RALGAPA1: variants seen among roughly 807,000 people sequenced by gnomAD.
RALGAPA1 encodes the protein ral GTPase-activating protein subunit alpha-1.
RALGAPA1 carries 52 observed loss-of-function variants against 269.6 expected under a neutral mutation model. The observed-to-expected ratio is 0.19, with a 90% CI of 0.15 to 0.24. The LOEUF (loss-of-function observed/expected upper bound fraction) is 0.24. Ranked by LOEUF, RALGAPA1 falls within the 10% of genes least tolerant of loss-of-function variation. The pLI, the probability that RALGAPA1 is intolerant of heterozygous loss-of-function variation, is 1.00. For missense variants in RALGAPA1, 1,917 were observed against 3,013.9 expected, an observed-to-expected ratio of 0.64 and a Z score of 8.52; for synonymous variants, 817 against 1,008.3, an observed-to-expected ratio of 0.81 and a Z score of 3.60.
chr14:35,591,372 G>A (rs2058626438), intron 37 of RALGAPA1, among the ~76,000 whole-genome samples: 3 of 152,132 alleles, frequency 2.0e-5, no homozygotes, highest in Non-Finnish European at 4.4e-5. Flanking sequence ...TTGGAGTGTA[G>A]TGGTGTGACC....
intron 10 of RALGAPA1, among the ~76,000 whole-genome samples, chr14:35,747,087 G>T (rs890786495): frequency 6.6e-6 from 1 of 151,974 alleles, no homozygotes; most frequent in East Asian, 1.9e-4. Flanking sequence ...CCCAAGGCAG[G>T]AGGATTGCTT....
At chr14:35,631,413 C>A (rs2061351692) in intron 33 of RALGAPA1, among the ~76,000 whole-genome samples, 1 of 151,724 alleles carries the variant, frequency 6.6e-6, no homozygotes, top group Admixed American at 6.6e-5. Flanking sequence ...AAATAAAAAG[C>A]AAAGATCAAT....
chr14:35,809,272 A>G lies in RALGAPA1; in HGVS notation c.-437T>C, dbSNP rs1315259272. ...GCTTCTTTAGCAGCTTACACCCTGC[A>G]GAGGCCGAAACGGAGACGAGTGTGG... On this transcript the variant is annotated 5_prime_UTR_variant, in exon 1 of 42. Transcript: ENST00000680220. 6.1e-6 allele frequency: 1 copy of G among 163,836 alleles called. No individual in the cohort carries two copies. The highest frequency in any genetic ancestry group is 1.3e-5 in the Non-Finnish European group (1 of 76,306). The allele number at this position is 163,836 out of a possible 1,614,324, so 10.1% of individuals were successfully genotyped here. A position where few individuals can be genotyped will look rare whatever the true frequency, so the allele number is the denominator to read the frequency against.
chr14:35,753,287 C>T (rs950657492), intron 7 of RALGAPA1, among the ~76,000 whole-genome samples: 2 of 152,130 alleles, frequency 1.3e-5, no homozygotes, highest in African/African-American at 4.8e-5. Flanking sequence ...CACATGAATT[C>T]ACAGGAATGC....
chr14:35,595,658 A>G lies in RALGAPA1; in HGVS notation c.7185T>C (p.Asp2395=), dbSNP rs138921913. 3.1e-6 allele frequency: 5 copies of G among 1,611,968 alleles called. No homozygotes were observed. The highest frequency in any genetic ancestry group is 3.3e-5 in the Admixed American group (2 of 59,982). ...IFHVSTRMPS[D]SDDSLTKKLR... ...CTTTTTTGGTCAAAGAATCATCAGAATCAGAAGGCATTCTTGTTGACACGT... is the reference window on the plus strand; with the variant it reads ...CTTTTTTGGTCAAAGAATCATCAGAGTCAGAAGGCATTCTTGTTGACACGT... Residue 2395 remains aspartate, a synonymous_variant, in exon 37 of 42, where the codon GAT becomes GAC. Coordinates refer to ENST00000680220, the MANE Select transcript of RALGAPA1 (RefSeq NM_001346249.2).
chr14:35,736,297 T>C (rs1014929227), intron 12 of RALGAPA1, among the ~76,000 whole-genome samples: 3 of 152,216 alleles, frequency 2.0e-5, no homozygotes, highest in Non-Finnish European at 2.9e-5. Context: ...AAATTTGAGA[T>C]ACTTATTAGA....
At position 35,634,843 on chromosome 14, in the gene RALGAPA1, A is replaced by G. The variant is rs887893997; in HGVS notation, c.5812-86T>C. On this transcript the variant is annotated intron_variant, in intron 32 of 41. Coordinates refer to ENST00000680220, the MANE Select transcript of RALGAPA1 (RefSeq NM_001346249.2). ...AAAGGAGGATAAAAATCAACTGGTA[A>G]CACAAGAGCCTGGCAAAGATTTTAA... is the stretch of plus-strand genomic sequence containing the variant. 110 of 1,244,240 alleles carry G rather than the reference A, an allele frequency of 8.8e-5. 1 individual carries two copies. The African/African-American group carries it at 1.4e-3, about 15-fold the overall frequency. The allele number at this position is 1,244,240 out of a possible 1,614,324, so 77.1% of individuals were successfully genotyped here. A position where few individuals can be genotyped will look rare whatever the true frequency, so the allele number is the denominator to read the frequency against.
chr14:35,726,247 C>T (rs2069901266), intron 13 of RALGAPA1, among the ~76,000 whole-genome samples: 1 of 152,132 alleles, frequency 6.6e-6, no homozygotes, highest in Admixed American at 6.5e-5. Context: ...TAAAAATATC[C>T]TGGACGTATT....
At chr14:35,784,244 T>C (rs1034284762) in intron 1 of RALGAPA1, among the ~76,000 whole-genome samples, 2 of 152,106 alleles carry the variant, frequency 1.3e-5, no homozygotes, top group Non-Finnish European at 2.9e-5. Context: ...GATGAATGGA[T>C]AGACAAAATA....
chr14:35,749,149 T>C (rs2072436484), intron 9 of RALGAPA1, among the ~76,000 whole-genome samples: 1 of 152,204 alleles, frequency 6.6e-6, no homozygotes, highest in Non-Finnish European at 1.5e-5. Context: ...ATAATGGAAT[T>C]AGAGACAGCT....
At chr14:35,804,193 T>A (rs923817806) in intron 1 of RALGAPA1, among the ~76,000 whole-genome samples, 10 of 146,822 alleles carry the variant, frequency 6.8e-5, no homozygotes, top group Non-Finnish European at 1.4e-4. Context: ...ACTGGGGAGG[T>A]GGACGTTGCA....
At chr14:35,807,693 G>A (rs1447275999) in intron 1 of RALGAPA1, 1 of 152,128 alleles carries the variant, frequency 6.6e-6, no homozygotes, top group East Asian at 1.9e-4. Flanking sequence ...TAGAAATGTT[G>A]GGTAATATTG....
intron 31 of RALGAPA1, among the ~76,000 whole-genome samples, chr14:35,647,176 T>C (rs2062489247): frequency 6.6e-6 from 1 of 152,198 alleles, no homozygotes; most frequent in South Asian, 2.1e-4. Flanking sequence ...GTTGTTTTGA[T>C]GTTGAAATAA....
chr14:35,577,198 T>C (rs1018326068), intron 37 of RALGAPA1, among the ~76,000 whole-genome samples: 9 of 152,148 alleles, frequency 5.9e-5, no homozygotes, highest in Non-Finnish European at 8.8e-5. Flanking sequence ...TTCTATAGTC[T>C]ATGGCCTGCT....
intron 32 of RALGAPA1, among the ~76,000 whole-genome samples, chr14:35,635,044 G>T (rs1289695894): frequency 6.6e-6 from 1 of 151,942 alleles, no homozygotes; most frequent in East Asian, 1.9e-4. Context: ...GGTGGTGGGC[G>T]CCTGTTATCC....
chr14:35,591,474 C>T (rs1416405900), intron 37 of RALGAPA1, among the ~76,000 whole-genome samples: 5 of 152,016 alleles, frequency 3.3e-5, no homozygotes, highest in African/African-American at 1.2e-4. Context: ...TGCTACCATG[C>T]CTGGCTAATT....
chr14:35,740,764 T>C (rs951455970), intron 11 of RALGAPA1, among the ~76,000 whole-genome samples: 2 of 152,304 alleles, frequency 1.3e-5, no homozygotes, highest in South Asian at 2.1e-4. Flanking sequence ...GCTGAGCTCA[T>C]GCCACTGCAT....
rs995594359 is a variant in RALGAPA1 at position 35,659,168 on chromosome 14, G to A, written c.5357C>T (p.Ser1786Leu). ...AGGACCAGAGGGCTCATCTCTTGCC[G>A]AGCTTAATACAGTTTTGATTATAAG... Reference protein sequence around the residue: ...KELIIKTVLSSARDEPSGPAR... With the variant: ...KELIIKTVLSLARDEPSGPAR... Residue 1786 changes from serine (S) to leucine (L), a missense_variant, in exon 28 of 42, where the codon TCG becomes TTG. By Grantham distance (145) the Ser-to-Leu change is moderately radical. Around this residue, in one of 11 missense-constraint regions of RALGAPA1, gnomAD observed 346 missense variants for 566.1 expected, o/e 0.61. Transcript: ENST00000680220. 7 of 1,611,134 alleles carry A rather than the reference G, an allele frequency of 4.3e-6. No homozygotes were observed. The highest frequency in any genetic ancestry group is 1.3e-5 in the African/African-American group (1 of 74,834).
chr14:35,804,036 G>A (rs1380105811), intron 1 of RALGAPA1, among the ~76,000 whole-genome samples: 1 of 152,058 alleles, frequency 6.6e-6, no homozygotes, highest in Non-Finnish European at 1.5e-5. Context: ...GCCGAGGTGG[G>A]TGGATCACCT....
Sources: gnomAD v4.1 joint callset for allele counts (sites outside exome capture counted in the v4.1 genomes callset) on GRCh38, gnomAD v4.1.1 for gene constraint, gnomAD v4.1.1 regional missense constraint, MANE v1.5 for transcripts, NCBI Gene and HGNC (gene_info 2026-07-23, HGNC 2026-07-21) for gene names.